Variants in TP53BP2 observed in about 807,000 individuals in gnomAD.
The protein encoded by TP53BP2 is apoptosis-stimulating of p53 protein 2.
In TP53BP2, 62 loss-of-function variants were observed where a neutral mutation model predicts 126.2. That is an observed-to-expected ratio of 0.49 (90% CI 0.40 to 0.61). The LOEUF is 0.61. Ranked by LOEUF, TP53BP2 falls within the 20% of genes least tolerant of loss-of-function variation. The pLI, the probability that TP53BP2 is intolerant of heterozygous loss-of-function variation, is 0.00. For missense variants in TP53BP2, 1,215 were observed against 1,402.8 expected, an observed-to-expected ratio of 0.87 and a Z score of 2.14; for synonymous variants, 485 against 502.9, an observed-to-expected ratio of 0.96 and a Z score of 0.48.
intron 1 of TP53BP2, among the ~76,000 whole-genome samples, chr1:223,838,307 A>T (rs1000669410): frequency 1.3e-5 from 2 of 152,200 alleles, no homozygotes; most frequent in African/African-American, 4.8e-5. Flanking sequence ...TGTTGAGCAG[A>T]TGTTATCCCC....
At chr1:223,835,374 C>T (rs1663886701) in intron 1 of TP53BP2, among the ~76,000 whole-genome samples, 2 of 152,210 alleles carry the variant, frequency 1.3e-5, no homozygotes, top group African/African-American at 4.8e-5. Context: ...CATAAACAAT[C>T]AATGTATAAA....
intron 2 of TP53BP2, among the ~76,000 whole-genome samples, chr1:223,816,172 T>C (rs1232238255): frequency 6.6e-6 from 1 of 152,246 alleles, no homozygotes; most frequent in Non-Finnish European, 1.5e-5. Context: ...TGTCTGTGGA[T>C]ACTTGTTTCT....
chr1:223,784,212 C>T lies in TP53BP2; in HGVS notation c.3266G>A (p.Cys1089Tyr). 6.2e-7 allele frequency: 1 copy of T among 1,614,166 alleles called. No individual in the cohort carries two copies. The highest frequency in any genetic ancestry group is 8.5e-7 in the Non-Finnish European group (1 of 1,180,032). ...DDELPMKEGD[C>Y]MTIIHREDED... ...GTCTTCCCTGTGGATGATTGTCATG[C>T]AGTCTCCTTCTTTCATGGGCAGCTC... Residue 1089 changes from cysteine (C) to tyrosine (Y), a missense_variant, in exon 17 of 18, where the codon TGC becomes TAC. Physicochemically the swap from Cys to Tyr is radical, Grantham distance 194. Coordinates refer to ENST00000343537, the MANE Select transcript of TP53BP2 (RefSeq NM_001031685.3).
Position 223,801,983 on chromosome 1 carries a change from C to T in TP53BP2, c.1225+133G>A, listed in dbSNP as rs1558094996. 6.7e-6 allele frequency: 6 copies of T among 893,916 alleles called. No homozygotes were observed. The Middle Eastern group carries it at 1.2e-3, about 178-fold the overall frequency. The allele number at this position is 893,916 out of a possible 1,614,324, so 55.4% of individuals were successfully genotyped here. On this transcript the variant is annotated intron_variant, in intron 9 of 17. Transcript: ENST00000343537. Reference sequence around the variant, plus strand: ...TTAATTTTTTAAACGTCTCATTACACCAGCAAAGAATATAAAAGGATTTTT... The same window carrying T: ...TTAATTTTTTAAACGTCTCATTACATCAGCAAAGAATATAAAAGGATTTTT...
intron 1 of TP53BP2, among the ~76,000 whole-genome samples, chr1:223,836,318 T>C (rs1469027660): frequency 6.6e-6 from 1 of 152,150 alleles, no homozygotes; most frequent in African/African-American, 2.4e-5. Flanking sequence ...GAAACACAAT[T>C]CCGAAGGAAG....
chr1:223,829,081 C>T (rs1663605628), intron 1 of TP53BP2, among the ~76,000 whole-genome samples: 1 of 152,056 alleles, frequency 6.6e-6, no homozygotes, highest in African/African-American at 2.4e-5. Context: ...AATCCCAGCA[C>T]TTTGGCAGGC....
rs560157303 is a variant in TP53BP2 at position 223,787,462 on chromosome 1, A to G, written c.3163+1546T>C. ...ATGGTCCAGAGTTTAAAACATAAAC[A>G]AAGGCTGGGCATGGTGGCTCACACC... On this transcript the variant is annotated intron_variant, in intron 16 of 17. Coordinates refer to ENST00000343537, the MANE Select transcript of TP53BP2 (RefSeq NM_001031685.3). Among the ~76,000 whole-genome samples, 34 of 152,238 alleles carry G rather than the reference A, an allele frequency of 2.2e-4. 1 individual carries two copies. In the South Asian group the frequency reaches 4.1e-3, roughly 19 times the overall value.
At position 223,784,076 on chromosome 1, in the gene TP53BP2, G is replaced by A. The variant is rs180800988; in HGVS notation, c.3363+39C>T. 39 of 1,587,066 alleles carry A rather than the reference G, an allele frequency of 2.5e-5. No individual in the cohort carries two copies. In the African/African-American group the frequency reaches 5.1e-4, roughly 21 times the overall value. ...AGCAGTTTTTACAAAGCCCCTCTCT[G>A]GCACATATGAAAACACCGTAAGCGT... On this transcript the variant is annotated intron_variant, in intron 17 of 17. Coordinates refer to ENST00000343537, the MANE Select transcript of TP53BP2 (RefSeq NM_001031685.3).
Position 223,814,266 on chromosome 1 carries a change from T to C in TP53BP2, c.263A>G (p.His88Arg). The C allele has an allele frequency of 1.2e-6, 2 of 1,613,878 alleles. No individual in the cohort carries two copies. The highest frequency in any genetic ancestry group is 1.7e-6 in the Non-Finnish European group (2 of 1,179,780). ...AATGTCCCTGCCAGGGGGGCGTTCA[T>C]GACGAAGGAAGAAGCGAACTTCGTT... ...QRNEVRFFLR[H>R]ERPPGRDIVS... Residue 88 changes from histidine to arginine, a missense_variant, in exon 3 of 18, where the codon CAT becomes CGT. Physicochemically the swap from His to Arg is conservative, Grantham distance 29. Around this residue, in one of 4 missense-constraint regions of TP53BP2, gnomAD observed 814 missense variants for 853.0 expected, o/e 0.95. Coordinates refer to ENST00000343537, the MANE Select transcript of TP53BP2 (RefSeq NM_001031685.3).
At chr1:223,788,505 A>G (rs1662047621) in intron 16 of TP53BP2, among the ~76,000 whole-genome samples, 1 of 152,258 alleles carries the variant, frequency 6.6e-6, no homozygotes, top group Non-Finnish European at 1.5e-5. Flanking sequence ...GTTAGCAATC[A>G]GAATCATAAA....
chr1:223,803,140 TG>T, intron 7 of TP53BP2, 130 bp downstream of exon 7: 1 of 1,152,286 alleles, frequency 8.7e-7, no homozygotes, highest in Non-Finnish European at 1.2e-6. Flanking sequence ...CTCTGGAGTT[TG>T]GGTTCCCCCC....
chr1:223,838,118 T>G (rs1663983487), intron 1 of TP53BP2, among the ~76,000 whole-genome samples: 1 of 152,158 alleles, frequency 6.6e-6, no homozygotes, highest in Non-Finnish European at 1.5e-5. Context: ...GCAGTCACAT[T>G]ACCCTTCTTA....
At chr1:223,814,067 C>T (rs1229055491) in intron 3 of TP53BP2, 173 bp downstream of exon 3, 2 of 570,856 alleles carry the variant, frequency 3.5e-6, no homozygotes, top group East Asian at 2.8e-5. Flanking sequence ...TTCCCACCTG[C>T]ATTAAACAAC....
chr1:223,821,092 T>C (rs1381468800), intron 2 of TP53BP2, 128 bp downstream of exon 2: 1 of 1,201,196 alleles, frequency 8.3e-7, no homozygotes, highest in African/African-American at 1.5e-5. Context: ...GGAACACTAT[T>C]TCTGCCGGAC....
At chr1:223,820,723 T>C (rs1209866179) in intron 2 of TP53BP2, among the ~76,000 whole-genome samples, 1 of 152,156 alleles carries the variant, frequency 6.6e-6, no homozygotes, top group Non-Finnish European at 1.5e-5. Flanking sequence ...TACCACCTCC[T>C]ATGGAGCCAA....
At chr1:223,844,549 C>G (rs938425042) in intron 1 of TP53BP2, among the ~76,000 whole-genome samples, 2 of 152,114 alleles carry the variant, frequency 1.3e-5, no homozygotes, top group Non-Finnish European at 2.9e-5. Flanking sequence ...AGGCATTAAA[C>G]TAAAATAAGA....
chr1:223,837,548 A>C (rs1451551963), intron 1 of TP53BP2, among the ~76,000 whole-genome samples: 1 of 152,162 alleles, frequency 6.6e-6, no homozygotes, highest in African/African-American at 2.4e-5. Flanking sequence ...AATTTATTAG[A>C]GCAAGTGACA....
chr1:223,845,610 C>T (rs774938520), intron 1 of TP53BP2, 44 bp downstream of exon 1: 58 of 1,532,856 alleles, frequency 3.8e-5, no homozygotes, highest in Non-Finnish European at 4.6e-5. Context: ...GCACGCGACC[C>T]CGCACACTTC....
chr1:223,798,854 G>A (rs568744787), intron 11 of TP53BP2, among the ~76,000 whole-genome samples, 177 bp from the exon 12 acceptor site: 4 of 151,926 alleles, frequency 2.6e-5, no homozygotes, highest in African/African-American at 7.2e-5. Flanking sequence ...GGCGGATCAC[G>A]AGGTCAAGAG....
Sources: allele counts gnomAD v4.1 joint callset (sites outside exome capture counted in the v4.1 genomes callset), GRCh38; gene constraint gnomAD v4.1.1; regional missense constraint gnomAD v4.1.1; transcripts MANE v1.5; gene names NCBI Gene and HGNC (gene_info 2026-07-23, HGNC 2026-07-21).